The following MEI4 variants were observed in gnomAD, a reference collection of about 807,000 sequenced individuals.
MEI4 encodes meiosis-specific protein MEI4.
In MEI4, 27 loss-of-function variants were observed where a neutral mutation model predicts 31.4. That is an observed-to-expected ratio of 0.86 (90% confidence interval 0.63 to 1.19). The LOEUF (loss-of-function observed/expected upper bound fraction) is 1.19, where lower values mean the gene tolerates loss of function less well. MEI4 is among the 50% of genes most tolerant of loss of function. The probability of loss-of-function intolerance (pLI) is 0.00; values close to 1 mark genes in which losing one functional copy is unlikely to be tolerated. For synonymous variants in MEI4, 122 were observed against 145.4 expected (o/e 0.84, Z 1.16); for missense variants, 329 against 398.9 (o/e 0.82, Z 1.49).
At chr6:77,872,954 C>A (rs1486873759) in intron 4 of MEI4, among the ~76,000 whole-genome samples, 1 of 151,140 alleles carries the variant, frequency 6.6e-6, no homozygotes, top group Non-Finnish European at 1.5e-5. Context: ...TGTATATGTG[C>A]CACATTTTCT....
chr6:77,742,485 A>C (rs1438575327), intron 2 of MEI4, among the ~76,000 whole-genome samples: 11 of 151,902 alleles, frequency 7.2e-5, no homozygotes, highest in Non-Finnish European at 1.2e-4. Context: ...TTTTCTTGTA[A>C]ATTTATTTGA....
intron 4 of MEI4, among the ~76,000 whole-genome samples, chr6:77,848,308 A>G (rs1451204682): frequency 1.3e-5 from 2 of 152,000 alleles, no homozygotes; most frequent in East Asian, 1.9e-4. Context: ...GTTCATTGCA[A>G]TTGACCAGGC....
intron 1 of MEI4, among the ~76,000 whole-genome samples, chr6:77,663,452 A>C (rs1562196556): frequency 1.3e-5 from 2 of 152,062 alleles, no homozygotes; most frequent in Admixed American, 1.3e-4. Context: ...GATTGGGAAG[A>C]AGGGCGGCAA....
chr6:77,734,398 T>C (rs1767115634), intron 2 of MEI4, among the ~76,000 whole-genome samples: 1 of 152,078 alleles, frequency 6.6e-6, no homozygotes, highest in South Asian at 2.1e-4. Flanking sequence ...GTAATGGCCT[T>C]CTTTGTGTCT....
intron 2 of MEI4, among the ~76,000 whole-genome samples, chr6:77,700,719 A>G (rs1766197133): frequency 6.6e-6 from 1 of 152,122 alleles, no homozygotes; most frequent in African/African-American, 2.4e-5. Context: ...AGCTGTTCCT[A>G]TTCGGCCATC....
intron 2 of MEI4, among the ~76,000 whole-genome samples, chr6:77,711,836 T>A (rs992121731): frequency 2.6e-5 from 4 of 152,224 alleles, no homozygotes; most frequent in Admixed American, 2.6e-4. Flanking sequence ...TTTCTGCTCT[T>A]CTTCAGTATT....
rs117395079 is a variant in MEI4 at position 77,728,828 on chromosome 6, G to A, written c.233-32302G>A. Among the ~76,000 whole-genome samples the A allele has an allele frequency of 7.4e-4, 113 of 152,312 alleles. 1 individual carries two copies. In the East Asian group the frequency reaches 0.021, roughly 28 times the overall value. ...CAGAGAGGAGACAGAGGAAACACCTGTTCCAGTGGGTAGGACTTTCAATAC... is the reference window on the plus strand; with the variant it reads ...CAGAGAGGAGACAGAGGAAACACCTATTCCAGTGGGTAGGACTTTCAATAC... On this transcript the variant is annotated intron_variant, in intron 2 of 4. Transcript: ENST00000684080.
At chr6:77,759,592 T>C (rs1216202067) in intron 2 of MEI4, among the ~76,000 whole-genome samples, 3 of 152,208 alleles carry the variant, frequency 2.0e-5, no homozygotes, top group Non-Finnish European at 4.4e-5. Context: ...CCTTGTCACC[T>C]AAGTCAGAAC....
chr6:77,732,519 A>C (rs896198885), intron 2 of MEI4, among the ~76,000 whole-genome samples: 2 of 150,272 alleles, frequency 1.3e-5, no homozygotes, highest in Non-Finnish European at 3.0e-5. Flanking sequence ...CAGCTTAAGG[A>C]GATTTTGGGC....
At chr6:77,773,294 C>G (rs1407590000) in intron 3 of MEI4, among the ~76,000 whole-genome samples, 3 of 151,876 alleles carry the variant, frequency 2.0e-5, no homozygotes, top group Admixed American at 1.3e-4. Flanking sequence ...TACTGGAGAG[C>G]TGTAGTCATC....
intron 3 of MEI4, among the ~76,000 whole-genome samples, chr6:77,814,779 C>T (rs1178060176): frequency 6.6e-6 from 1 of 151,984 alleles, no homozygotes; most frequent in Admixed American, 6.6e-5. Flanking sequence ...TTTTCCCCCT[C>T]TATCCCACTT....
At chr6:77,670,888 C>A (rs945496650) in intron 1 of MEI4, among the ~76,000 whole-genome samples, 3 of 151,910 alleles carry the variant, frequency 2.0e-5, no homozygotes, top group African/African-American at 7.3e-5. Context: ...ATAGTTTATC[C>A]CTTTCTATCA....
chr6:77,862,770 C>T (rs1218030555), intron 4 of MEI4, among the ~76,000 whole-genome samples: 3 of 152,204 alleles, frequency 2.0e-5, no homozygotes, highest in Admixed American at 6.5e-5. Context: ...AACGGACAGA[C>T]GGCCTCCTCA....
intron 4 of MEI4, among the ~76,000 whole-genome samples, chr6:77,844,967 C>A (rs1770446420): frequency 6.6e-6 from 1 of 152,056 alleles, no homozygotes; most frequent in South Asian, 2.1e-4. Flanking sequence ...GTAATGACTT[C>A]AAATCTTCAG....
In MEI4 at chr6:77,925,365, TATG is replaced by T. The variant is rs1259224312; in HGVS notation, c.*2022_*2024del. 1 of 151,870 alleles carries T rather than the reference TATG, an allele frequency of 6.6e-6. No homozygotes were observed. Among genetic ancestry groups the T allele is most frequent in the Non-Finnish European group, 1.5e-5 (1 of 67,908 alleles). The allele number at this position is 151,870 out of a possible 1,614,324, so 9.4% of individuals were successfully genotyped here. A position where few individuals can be genotyped will look rare whatever the true frequency, so the allele number is the denominator to read the frequency against. On this transcript the variant is annotated 3_prime_UTR_variant, in exon 5 of 5. Coordinates refer to ENST00000684080, the MANE Select transcript of MEI4 (RefSeq NM_001322247.2). ...ATAAACATTTAACTTCCACCAAGTA[TATG>T]ATACTTTAATTATCCTGGGTTTCAG...
intron 3 of MEI4, among the ~76,000 whole-genome samples, chr6:77,794,379 C>A (rs182748143): frequency 6.6e-6 from 1 of 152,022 alleles, no homozygotes; most frequent in Non-Finnish European, 1.5e-5. Context: ...CTGGCTAACA[C>A]GGTGAAATCC....
chr6:77,693,232 G>A (rs1417640614), intron 2 of MEI4, among the ~76,000 whole-genome samples: 1 of 151,960 alleles, frequency 6.6e-6, no homozygotes, highest in Non-Finnish European at 1.5e-5. Flanking sequence ...GGCTCTTTGA[G>A]TATACCCAGT....
At chr6:77,694,338 T>G (rs1769215759) in intron 2 of MEI4, among the ~76,000 whole-genome samples, 1 of 152,128 alleles carries the variant, frequency 6.6e-6, no homozygotes, top group South Asian at 2.1e-4. Flanking sequence ...CGTATACATG[T>G]GTCATGTTGG....
At chr6:77,732,505 T>C (rs560785335) in intron 2 of MEI4, among the ~76,000 whole-genome samples, 1 of 151,876 alleles carries the variant, frequency 6.6e-6, no homozygotes, top group East Asian at 1.9e-4. Flanking sequence ...CTGAAGTTGC[T>C]TATCAGCTTA....
Sources: allele counts gnomAD v4.1 joint callset (sites outside exome capture counted in the v4.1 genomes callset), GRCh38; gene constraint gnomAD v4.1.1; transcripts MANE v1.5; gene names NCBI Gene and HGNC (gene_info 2026-07-23, HGNC 2026-07-21).